The following HSPA12A variants were observed in gnomAD, a reference collection of about 807,000 sequenced individuals.
The protein encoded by HSPA12A is heat shock protein family A (Hsp70) member 12A.
A neutral mutation model predicts 69.2 loss-of-function variants in HSPA12A; 28 were observed. The ratio of observed to expected loss-of-function variants is 0.40; its 90% CI spans 0.30 to 0.55. The LOEUF is 0.55. Among genes scored for constraint, HSPA12A ranks in the 20% least tolerant of loss-of-function variants. The probability of loss-of-function intolerance (pLI) is 0.38; values close to 1 mark genes in which losing one functional copy is unlikely to be tolerated. For synonymous variants in HSPA12A, 345 were observed against 370.5 expected (o/e 0.93, Z 0.79); for missense variants, 686 against 900.7 (o/e 0.76, Z 3.05).
chr10:116,835,502 C>T (rs1211102848), intron 1 of HSPA12A, among the ~76,000 whole-genome samples: 1 of 152,036 alleles, frequency 6.6e-6, no homozygotes, highest in African/African-American at 2.4e-5. Context: ...GGGTACTCCT[C>T]GTCCTCTGCC....
chr10:116,764,563 A>C (rs1421574869), intron 2 of HSPA12A, among the ~76,000 whole-genome samples: 1 of 152,232 alleles, frequency 6.6e-6, no homozygotes, highest in Non-Finnish European at 1.5e-5. Context: ...GTTTTGCAAA[A>C]ACAAACACAA....
intron 6 of HSPA12A, among the ~76,000 whole-genome samples, chr10:116,691,768 C>G (rs1246152416): frequency 6.6e-6 from 1 of 152,254 alleles, no homozygotes; most frequent in Non-Finnish European, 1.5e-5. Context: ...GGCCAACAAG[C>G]GCCTGTGCCT....
intron 1 of HSPA12A, among the ~76,000 whole-genome samples, chr10:116,712,109 A>G (rs1850452713): frequency 6.6e-6 from 1 of 152,230 alleles, no homozygotes; most frequent in Admixed American, 6.5e-5. Flanking sequence ...TCTGGGGAAC[A>G]AACAAAAATT....
At chr10:116,682,339 G>A (rs1849433042) in intron 7 of HSPA12A, among the ~76,000 whole-genome samples, 1 of 152,140 alleles carries the variant, frequency 6.6e-6, no homozygotes. Context: ...CAGGGAGGAA[G>A]CTATCTGCCA....
chr10:116,836,003 A>C (rs931114117), intron 1 of HSPA12A, among the ~76,000 whole-genome samples: 3 of 152,236 alleles, frequency 2.0e-5, no homozygotes, highest in African/African-American at 7.2e-5. Flanking sequence ...AAAACGGCTC[A>C]TCATGATGGG....
At chr10:116,809,143 C>G (rs903038719) in intron 2 of HSPA12A, among the ~76,000 whole-genome samples, 3 of 152,138 alleles carry the variant, frequency 2.0e-5, no homozygotes, top group Admixed American at 1.3e-4. Context: ...AGTGGGGACT[C>G]AGGGGAGCCA....
intron 5 of HSPA12A, among the ~76,000 whole-genome samples, chr10:116,693,116 A>G (rs1849782698): frequency 6.6e-6 from 1 of 152,168 alleles, no homozygotes; most frequent in Admixed American, 6.5e-5. Flanking sequence ...ATAGGTAAAC[A>G]GTGCCTGGCC....
chr10:116,695,137 G>C (rs1434173184), intron 5 of HSPA12A, among the ~76,000 whole-genome samples: 2 of 152,056 alleles, frequency 1.3e-5, no homozygotes, highest in African/African-American at 4.8e-5. Flanking sequence ...CTCAGTCTCA[G>C]AGCCTCCCTC....
In HSPA12A at chr10:116,723,208, G is replaced by GC. The variant is rs546946700; in HGVS notation, c.41-15924dup. On this transcript the variant is annotated intron_variant, in intron 1 of 11. Transcript: ENST00000369209. The surrounding 1 kb of genome is among the most constrained non-coding windows in gnomAD (Gnocchi z 4.1). The stretch of plus-strand genomic sequence containing the variant: ...ATACCTCCATTACCCCCTAACCATT[G>GC]CCCCCCCATCATTCCTGTCCTCATA... Among the ~76,000 whole-genome samples, 206 of 150,494 alleles carry GC rather than the reference G, an allele frequency of 1.4e-3. 1 individual carries two copies. Among genetic ancestry groups the GC allele is most frequent in the African/African-American group, 4.6e-3 (187 of 40,872 alleles).
At chr10:116,751,243 C>A in intron 2 of HSPA12A, 1 of 212,870 alleles carries the variant, frequency 4.7e-6, no homozygotes, top group South Asian at 9.6e-5. Flanking sequence ...CCTCAGAGTT[C>A]AGGATCAGGC....
intron 1 of HSPA12A, among the ~76,000 whole-genome samples, chr10:116,707,665 A>G (rs1044020114): frequency 6.6e-6 from 1 of 152,164 alleles, no homozygotes; most frequent in African/African-American, 2.4e-5. Flanking sequence ...ACCTGAAATT[A>G]TGTCAAATTT....
chr10:116,818,499 G>A (rs1317311760), intron 2 of HSPA12A, among the ~76,000 whole-genome samples: 1 of 151,860 alleles, frequency 6.6e-6, no homozygotes, highest in East Asian at 1.9e-4. Flanking sequence ...CAGCGAGGTA[G>A]ACTCTGGGCC....
chr10:116,802,044 G>T (rs1245759751), intron 2 of HSPA12A, among the ~76,000 whole-genome samples: 2 of 152,220 alleles, frequency 1.3e-5, no homozygotes, highest in Non-Finnish European at 2.9e-5. Flanking sequence ...ACCCTGGGGA[G>T]GGCATAAGCT....
intron 2 of HSPA12A, among the ~76,000 whole-genome samples, chr10:116,826,711 CCTT>C (rs1845513188): frequency 6.6e-6 from 1 of 152,190 alleles, no homozygotes; most frequent in African/African-American, 2.4e-5. Flanking sequence ...TAATGTGTAG[CCTT>C]CTGGAGTTGG....
chr10:116,674,742 T>C lies in HSPA12A; in HGVS notation c.*39A>G, dbSNP rs1554877274. ...CAAGGTTGAGGTCAGCAGATGCAGATAAGTTGAGTCCAAGGGGACAGGCAG... is the reference window on the plus strand; with the variant it reads ...CAAGGTTGAGGTCAGCAGATGCAGACAAGTTGAGTCCAAGGGGACAGGCAG... On this transcript the variant is annotated 3_prime_UTR_variant, in exon 12 of 12. Transcript: ENST00000369209. 1 of 1,571,150 alleles carries C rather than the reference T, an allele frequency of 6.4e-7. No homozygotes were observed. The highest frequency in any genetic ancestry group is 2.3e-5 in the East Asian group (1 of 44,406).
intron 2 of HSPA12A, among the ~76,000 whole-genome samples, chr10:116,792,259 C>CAAAAA (rs55642476): frequency 8.4e-4 from 51 of 60,744 alleles, no homozygotes; most frequent in African/African-American, 8.8e-4. Context: ...AACTCGGTCT[C>CAAAAA]AAAAAAAAAA....
intron 2 of HSPA12A, among the ~76,000 whole-genome samples, chr10:116,781,269 T>G (rs1844456294): frequency 6.6e-6 from 1 of 151,772 alleles, no homozygotes; most frequent in South Asian, 2.1e-4. Context: ...GCCTGGGCAA[T>G]AGAGTGAGAC....
chr10:116,725,966 G>A (rs1554884936), intron 1 of HSPA12A, among the ~76,000 whole-genome samples: 1 of 150,688 alleles, frequency 6.6e-6, no homozygotes, highest in African/African-American at 2.4e-5. Context: ...ACTCAGTGAG[G>A]AAGTCAAGTT....
intron 2 of HSPA12A, among the ~76,000 whole-genome samples, chr10:116,800,698 A>C (rs1844938184): frequency 1.3e-5 from 2 of 152,280 alleles, no homozygotes; most frequent in South Asian, 4.1e-4. Context: ...AGTGCTTGGT[A>C]CCTTGTCCCA....
Sources: allele counts gnomAD v4.1 joint callset (sites outside exome capture counted in the v4.1 genomes callset), GRCh38; gene constraint gnomAD v4.1.1; non-coding constraint Gnocchi (gnomAD v3.1); transcripts MANE v1.5; gene names NCBI Gene and HGNC (gene_info 2026-07-23, HGNC 2026-07-21).